CAST: variants seen among roughly 807,000 people sequenced by gnomAD.
CAST encodes calpastatin.
A neutral mutation model predicts 119.6 loss-of-function variants in CAST; 76 were observed. That is an observed-to-expected ratio of 0.64 (90% CI 0.53 to 0.77). CAST has a LOEUF of 0.77. CAST is among the 30% of genes least tolerant of loss of function. The pLI is 0.00. For missense variants in CAST, 953 were observed against 946.5 expected (o/e 1.01, Z -0.09); for synonymous variants, 319 against 331.6 (o/e 0.96, Z 0.41).
chr5:96,359,182 G>T, the CAST span, among the ~76,000 whole-genome samples: 3 of 152,050 alleles, frequency 2.0e-5, no homozygotes, highest in Admixed American at 1.3e-4. Flanking sequence ...CTTTCCATTT[G>T]CTTGGTAAAT....
chr5:96,593,608 C>A (rs1561425245), intron 1 of CAST, among the ~76,000 whole-genome samples: 1 of 152,174 alleles, frequency 6.6e-6, no homozygotes, highest in Non-Finnish European at 1.5e-5. Flanking sequence ...AGAAGAGATA[C>A]ATGTAATGTG....
the CAST span, among the ~76,000 whole-genome samples, chr5:96,088,313 A>G: frequency 6.6e-6 from 1 of 152,200 alleles, no homozygotes; most frequent in African/African-American, 2.4e-5. Context: ...CTCGATGCCC[A>G]TCTAAGCCAC....
At chr5:96,586,522 A>C (rs1259371208) in intron 1 of CAST, among the ~76,000 whole-genome samples, 1 of 152,252 alleles carries the variant, frequency 6.6e-6, no homozygotes, top group African/African-American at 2.4e-5. Context: ...AGTTCAATGT[A>C]GGTTAGAATC....
At chr5:96,693,308 A>G (rs1752937131) in intron 2 of CAST, among the ~76,000 whole-genome samples, 1 of 152,242 alleles carries the variant, frequency 6.6e-6, no homozygotes, top group African/African-American at 2.4e-5. Flanking sequence ...CATTTTCAGC[A>G]TATAAATTAA....
chr5:96,438,022 T>C, the CAST span, among the ~76,000 whole-genome samples: 1 of 152,208 alleles, frequency 6.6e-6, no homozygotes, highest in Non-Finnish European at 1.5e-5. Context: ...AATTCATACT[T>C]CGAAGGCAGA....
At chr5:96,483,002 G>A in the CAST span, among the ~76,000 whole-genome samples, 3,361 of 152,114 alleles carry the variant, frequency 0.022, 103 homozygotes, top group African/African-American at 0.073. Context: ...CAAAATAATA[G>A]TGTTACTTAT....
the CAST span, among the ~76,000 whole-genome samples, chr5:96,276,710 T>C: frequency 6.6e-6 from 1 of 152,230 alleles, no homozygotes; most frequent in Non-Finnish European, 1.5e-5. Flanking sequence ...TTTGTCTATT[T>C]GCTTCAGATC....
At chr5:96,568,339 C>T (rs1297107684) in intron 1 of CAST, among the ~76,000 whole-genome samples, 1 of 152,124 alleles carries the variant, frequency 6.6e-6, no homozygotes, top group Admixed American at 6.5e-5. Context: ...CCGAAGCAGG[C>T]AGATCACTTG....
upstream of CAST, among the ~76,000 whole-genome samples, chr5:96,529,341 A>C (rs145260254): frequency 3.6e-3 from 547 of 151,484 alleles, 11 homozygotes; most frequent in Admixed American, 0.026. Flanking sequence ...TTTCTGGTCT[A>C]AGCTGTGTTC....
the CAST span, among the ~76,000 whole-genome samples, chr5:96,007,321 C>T: frequency 1.3e-5 from 2 of 152,318 alleles, no homozygotes; most frequent in East Asian, 3.9e-4. Flanking sequence ...AATGCTATTT[C>T]TGGGTGCAAG....
the CAST span, among the ~76,000 whole-genome samples, chr5:96,115,209 C>T: frequency 1.3e-5 from 2 of 152,240 alleles, no homozygotes; most frequent in African/African-American, 2.4e-5. Flanking sequence ...GTTGCTCACA[C>T]ATCTGTGCTC....
chr5:95,967,967 G>A, the CAST span, among the ~76,000 whole-genome samples: 147 of 152,296 alleles, frequency 9.7e-4, no homozygotes, highest in African/African-American at 3.3e-3. Flanking sequence ...TAACTGAGGC[G>A]CAGAAAGGGT....
At chr5:96,084,879 A>G in the CAST span, among the ~76,000 whole-genome samples, 17 of 152,346 alleles carry the variant, frequency 1.1e-4, no homozygotes, top group African/African-American at 2.6e-4. Context: ...CTATTCCCAG[A>G]AGAAGGAAGA....
chr5:96,688,235 TTGAA>T (rs1752300928), intron 2 of CAST, among the ~76,000 whole-genome samples: 1 of 152,228 alleles, frequency 6.6e-6, no homozygotes. Flanking sequence ...TAAATTTTCT[TTGAA>T]TAATAAAAAC....
intron 24 of CAST, chr5:96,761,336 AAATG>A (rs1157393579): frequency 1.3e-5 from 2 of 152,256 alleles, no homozygotes; most frequent in African/African-American, 4.8e-5. Context: ...TCATAACTAA[AAATG>A]AATTTAATTT....
chr5:96,394,971 C>T, the CAST span: 5 of 1,613,862 alleles, frequency 3.1e-6, no homozygotes, highest in Non-Finnish European at 4.2e-6. Flanking sequence ...GAAGAGGTCC[C>T]GTGCAAAATC....
chr5:96,515,037 C>A, the CAST span, among the ~76,000 whole-genome samples: 6 of 152,138 alleles, frequency 3.9e-5, no homozygotes, highest in Non-Finnish European at 5.9e-5. Context: ...AGGTGTAAAC[C>A]ACTGTGCACG....
chr5:96,580,631 A>T (rs995651077), intron 1 of CAST, among the ~76,000 whole-genome samples: 2 of 152,208 alleles, frequency 1.3e-5, no homozygotes, highest in Admixed American at 1.3e-4. Flanking sequence ...GATGTTGGTT[A>T]TGTTGGTCAA....
chr5:96,093,303 G>A, the CAST span, among the ~76,000 whole-genome samples: 1 of 152,116 alleles, frequency 6.6e-6, no homozygotes, highest in Non-Finnish European at 1.5e-5. Context: ...ACAGTACATG[G>A]TACAGAGAAA....
Sources: allele counts gnomAD v4.1 joint callset (sites outside exome capture counted in the v4.1 genomes callset), GRCh38; gene constraint gnomAD v4.1.1; transcripts MANE v1.5; gene names NCBI Gene and HGNC (gene_info 2026-07-23, HGNC 2026-07-21).